Variants in CHAF1B observed in about 807,000 individuals in gnomAD.
The protein encoded by CHAF1B is CAF-1 subunit B.
A neutral mutation model predicts 60.7 loss-of-function variants in CHAF1B; 10 were observed. The ratio of observed to expected loss-of-function variants is 0.16; its 90% CI spans 0.10 to 0.28. The LOEUF is 0.28. CHAF1B is among the 10% of genes least tolerant of loss of function. The pLI is 1.00. For missense variants in CHAF1B, 558 were observed against 708.4 expected, an observed-to-expected ratio of 0.79 and a Z score of 2.41; for synonymous variants, 261 against 266.1, an observed-to-expected ratio of 0.98 and a Z score of 0.19.
intron 4 of CHAF1B, among the ~76,000 whole-genome samples, chr21:36,392,444 C>CT (rs909135938): frequency 6.4e-4 from 98 of 152,370 alleles, no homozygotes; most frequent in African/African-American, 2.2e-3. Flanking sequence ...TTGGGTACAC[C>CT]TCCCAGACGG....
chr21:36,415,873 C>G (rs1265778559), intron 13 of CHAF1B: 2 of 344,344 alleles, frequency 5.8e-6, no homozygotes, highest in East Asian at 9.1e-5. Flanking sequence ...CTGCCTCGGC[C>G]TCCCGAGTAG....
At chr21:36,385,937 T>C (rs756011874) in intron 1 of CHAF1B, 123 bp from the exon 2 acceptor site, 41 of 565,426 alleles carry the variant, frequency 7.3e-5, no homozygotes, top group Non-Finnish European at 1.2e-4. Flanking sequence ...CAAGGTGTTA[T>C]TGTCAGATGG....
At chr21:36,390,065 G>A (rs897475955) in intron 3 of CHAF1B, among the ~76,000 whole-genome samples, 1 of 152,092 alleles carries the variant, frequency 6.6e-6, no homozygotes, top group African/African-American at 2.4e-5. Flanking sequence ...TGGGTGCGGT[G>A]GCTCACGCCT....
Position 36,413,123 on chromosome 21 carries a change from C to T in CHAF1B, c.1301C>T (p.Pro434Leu). 6.2e-7 allele frequency: 1 copy of T among 1,614,032 alleles called. No individual in the cohort carries two copies. Among genetic ancestry groups the T allele is most frequent in the East Asian group, 2.2e-5 (1 of 44,872 alleles). Residue 434 changes from proline (P) to leucine (L), a missense_variant, in exon 12 of 14, where the codon CCC becomes CTC. By Grantham distance (98) the Pro-to-Leu change is moderately conservative. Coordinates refer to ENST00000314103, the MANE Select transcript of CHAF1B (RefSeq NM_005441.3). ...GACCCCAGCAGCCCCGGCACGACTC[C>T]CCCTCAGGCCAGACAGGCCCCAGCC... Reference protein sequence around the residue: ...TQDPSSPGTTPPQARQAPAPT... With the variant: ...TQDPSSPGTTLPQARQAPAPT...
In CHAF1B at chr21:36,417,592, A is replaced by G. The variant is rs2086329362; in HGVS notation, c.*1226A>G. Reference sequence around the variant, plus strand: ...TGATCTGCCTGCCTCGGCCTCCCAAAGTGTTGGGATTACAGGTGTGAGCTA... The same window carrying G: ...TGATCTGCCTGCCTCGGCCTCCCAAGGTGTTGGGATTACAGGTGTGAGCTA... On this transcript the variant is annotated 3_prime_UTR_variant, in exon 14 of 14. Coordinates refer to ENST00000314103, the MANE Select transcript of CHAF1B (RefSeq NM_005441.3). The G allele has an allele frequency of 6.6e-6, 1 of 151,902 alleles. No individual in the cohort carries two copies. Among genetic ancestry groups the G allele is most frequent in the Admixed American group, 6.6e-5 (1 of 15,238 alleles). The allele number at this position is 151,902 out of a possible 1,614,324, so 9.4% of individuals were successfully genotyped here.
intron 8 of CHAF1B, 35 bp downstream of exon 8, chr21:36,402,886 GGCC>G (rs1404406152): frequency 4.0e-6 from 6 of 1,511,566 alleles, no homozygotes; most frequent in Non-Finnish European, 5.5e-6. Context: ...AAGGAATGAT[GGCC>G]GAGTGGGGAT....
At chr21:36,390,309 G>A (rs763288547) in intron 3 of CHAF1B, among the ~76,000 whole-genome samples, 4 of 144,912 alleles carry the variant, frequency 2.8e-5, no homozygotes, top group Non-Finnish European at 6.0e-5. Flanking sequence ...CTCCAGCCTG[G>A]GCAATAAGAG....
chr21:36,402,298 C>T lies in CHAF1B; in HGVS notation c.664-460C>T, dbSNP rs111891883. ...CTGCACTCTAGCCTGGGTGACAGAG[C>T]GAGACTCTGTATCTAAAGAGTGCAT... On this transcript the variant is annotated intron_variant, in intron 7 of 13. Transcript: ENST00000314103. Among the ~76,000 whole-genome samples the T allele has an allele frequency of 7.9e-5, 12 of 152,064 alleles. No individual in the cohort carries two copies. The South Asian group carries it at 1.9e-3, about 24-fold the overall frequency.
In CHAF1B at chr21:36,395,430, G is replaced by A. The variant is rs570601385; in HGVS notation, c.481+780G>A. On this transcript the variant is annotated intron_variant, in intron 5 of 13. Coordinates refer to ENST00000314103, the MANE Select transcript of CHAF1B (RefSeq NM_005441.3). ...GGTTGGCTCAACAGGATAGGGGTTA[G>A]TCCCATATGCTATGGATTGTCAGAG... Among the ~76,000 whole-genome samples the A allele has an allele frequency of 1.4e-3, 206 of 152,346 alleles. 1 individual carries two copies. The highest frequency in any genetic ancestry group is 4.8e-3 in the African/African-American group (198 of 41,590).
intron 8 of CHAF1B, 90 bp downstream of exon 8, chr21:36,402,941 T>C (rs1269201313): frequency 1.8e-6 from 2 of 1,094,494 alleles, no homozygotes; most frequent in African/African-American, 1.5e-5. Context: ...GCTCAGTGAA[T>C]GCTGATTAGA....
chr21:36,403,455 T>TAAAA (rs71326686), intron 8 of CHAF1B, among the ~76,000 whole-genome samples: 34 of 77,404 alleles, frequency 4.4e-4, no homozygotes, highest in East Asian at 1.4e-3. Context: ...ATATCTTATC[T>TAAAA]AAAAAAAAAA....
chr21:36,402,623 T>C, intron 7 of CHAF1B, 135 bp from the exon 8 acceptor site: 1 of 673,586 alleles, frequency 1.5e-6, no homozygotes, highest in Non-Finnish European at 2.6e-6. Flanking sequence ...AATGACACTA[T>C]GTAAAGAAAA....
intron 8 of CHAF1B, among the ~76,000 whole-genome samples, chr21:36,406,570 G>C (rs1453682782): frequency 6.6e-6 from 1 of 152,148 alleles, no homozygotes; most frequent in Non-Finnish European, 1.5e-5. Context: ...ACAGGCGTGA[G>C]CCACTGCACC....
In CHAF1B at chr21:36,413,030, G is replaced by A; in HGVS notation, c.1208G>A (p.Ser403Asn). ...RTPDTAKKTK[S>N]QTHRGSSPGP... ...CCTGATACAGCAAAGAAAACCAAGA[G>A]TCAGACACATCGAGGGTCTTCGCCA... The change falls in exon 12 of 14, where the codon AGT (serine) becomes AAT (asparagine). Residue 403 changes from serine to asparagine, a missense_variant. Ser to Asn is a conservative substitution (Grantham distance 46, BLOSUM62 1). Coordinates refer to ENST00000314103, the MANE Select transcript of CHAF1B (RefSeq NM_005441.3). 6.2e-7 allele frequency: 1 copy of A among 1,614,208 alleles called. No individual in the cohort carries two copies. The highest frequency in any genetic ancestry group is 2.2e-5 in the East Asian group (1 of 44,888).
At chr21:36,392,236 T>C (rs976483683) in intron 4 of CHAF1B, among the ~76,000 whole-genome samples, 3 of 151,804 alleles carry the variant, frequency 2.0e-5, no homozygotes, top group Admixed American at 1.3e-4. Flanking sequence ...GAGCAGGGGG[T>C]TGGGGGTAAG....
intron 3 of CHAF1B, among the ~76,000 whole-genome samples, chr21:36,389,800 T>TGTGTGCAAGC: frequency 8.0e-6 from 1 of 124,746 alleles, no homozygotes; most frequent in Non-Finnish European, 1.6e-5. Context: ...TGTGTGTGTG[T>TGTGTGCAAGC]GCGCGCGCAC....
intron 3 of CHAF1B, among the ~76,000 whole-genome samples, chr21:36,390,503 A>G (rs113206316): frequency 1.7e-3 from 257 of 152,288 alleles, no homozygotes; most frequent in African/African-American, 5.6e-3. Context: ...TTGGACTTAG[A>G]CAATGGGTGA....
In CHAF1B at chr21:36,386,170, A is replaced by C; in HGVS notation, c.34A>C (p.Asn12His). Residue 12 changes from asparagine to histidine, a missense_variant, in exon 2 of 14, where the codon AAC (asparagine) becomes CAC (histidine). Around this residue, in one of 2 missense-constraint regions of CHAF1B, gnomAD observed 325 missense variants for 493.5 expected, o/e 0.66. Coordinates refer to ENST00000314103, the MANE Select transcript of CHAF1B (RefSeq NM_005441.3). ...CATCACTTGTGAAATAGCCTGGCAC[A>C]ACAAGGAGCCCGTGTACAGCCTGGA... ...KVITCEIAWH[N>H]KEPVYSLDFQ... 2 of 1,614,186 alleles carry C rather than the reference A, an allele frequency of 1.2e-6. No homozygotes were observed. Among genetic ancestry groups the C allele is most frequent in the Non-Finnish European group, 1.7e-6 (2 of 1,180,040 alleles).
At chr21:36,409,621 C>CTATT (rs760209562) in intron 10 of CHAF1B, among the ~76,000 whole-genome samples, 156 bp downstream of exon 10, 24 of 151,986 alleles carry the variant, frequency 1.6e-4, no homozygotes, top group Non-Finnish European at 3.1e-4. Flanking sequence ...ACATTTAAAT[C>CTATT]TATTTATTTA....
Sources: gnomAD v4.1 joint callset for allele counts (sites outside exome capture counted in the v4.1 genomes callset) on GRCh38, gnomAD v4.1.1 for gene constraint, gnomAD v4.1.1 regional missense constraint, MANE v1.5 for transcripts, NCBI Gene and HGNC (gene_info 2026-07-23, HGNC 2026-07-21) for gene names.